LPA: variants seen among roughly 807,000 people sequenced by gnomAD.
The protein encoded by LPA is apolipoprotein(a).
LPA carries 199 observed loss-of-function variants against 197.9 expected under a neutral mutation model. The observed-to-expected ratio is 1.01, with a 90% CI of 0.90 to 1.13. LPA has a LOEUF of 1.13. LPA is among the 50% of genes most tolerant of loss of function. The pLI, the probability that LPA is intolerant of heterozygous loss-of-function variation, is 0.00. For missense variants in LPA, 1,853 were observed against 1,785.8 expected, an observed-to-expected ratio of 1.04 and a Z score of -0.68; for synonymous variants, 715 against 639.5, an observed-to-expected ratio of 1.12 and a Z score of -1.78.
chr6:160,634,648 C>T (rs1582892985), intron 7 of LPA, among the ~76,000 whole-genome samples: 1 of 151,262 alleles, frequency 6.6e-6, no homozygotes. Flanking sequence ...TATACTGCTC[C>T]ATAGACCCAG....
chr6:160,603,803 C>T (rs749604435), intron 18 of LPA, among the ~76,000 whole-genome samples: 55 of 152,184 alleles, frequency 3.6e-4, no homozygotes, highest in Admixed American at 9.8e-4. Context: ...TGGAGACTTG[C>T]TTTTCAGTTT....
chr6:160,583,523 A>T (rs932797938), intron 26 of LPA, among the ~76,000 whole-genome samples: 1 of 152,114 alleles, frequency 6.6e-6, no homozygotes, highest in Non-Finnish European at 1.5e-5. Flanking sequence ...TCAGAGCTCA[A>T]ATACCTCCCA....
At chr6:160,557,303 C>T (rs1454305834) in intron 29 of LPA, 87 bp downstream of exon 29, 1 of 1,469,302 alleles carries the variant, frequency 6.8e-7, no homozygotes, top group Non-Finnish European at 9.5e-7. Flanking sequence ...TTCTGTGTAG[C>T]ATGGAAGGCT....
chr6:160,584,781 C>T (rs780473021), intron 26 of LPA, among the ~76,000 whole-genome samples: 3 of 152,124 alleles, frequency 2.0e-5, no homozygotes, highest in Non-Finnish European at 2.9e-5. Flanking sequence ...AGCATTTGGT[C>T]ATTTGATCTC....
chr6:160,599,390 C>T (rs1349033839), intron 20 of LPA, 110 bp downstream of exon 20: 2 of 1,491,300 alleles, frequency 1.3e-6, no homozygotes, highest in African/African-American at 1.4e-5. Context: ...GGAAATGTTC[C>T]TCTGCATCTG....
At chr6:160,568,811 G>A (rs1280307415) in intron 28 of LPA, among the ~76,000 whole-genome samples, 1 of 152,142 alleles carries the variant, frequency 6.6e-6, no homozygotes, top group African/African-American at 2.4e-5. Flanking sequence ...AAATCAATGT[G>A]CAAAAATCAC....
chr6:160,587,119 T>C (rs1778926491), intron 24 of LPA, among the ~76,000 whole-genome samples: 1 of 152,198 alleles, frequency 6.6e-6, no homozygotes, highest in Non-Finnish European at 1.5e-5. Flanking sequence ...TGAATTTATT[T>C]ACATACAGTT....
intron 7 of LPA, among the ~76,000 whole-genome samples, chr6:160,634,639 A>C (rs7765684): frequency 6.9e-6 from 1 of 145,672 alleles, no homozygotes; most frequent in African/African-American, 2.6e-5. Context: ...GGGAGCTCAT[A>C]TACTGCTCCA....
chr6:160,609,242 A>T (rs892458189), intron 16 of LPA, among the ~76,000 whole-genome samples: 3 of 152,104 alleles, frequency 2.0e-5, no homozygotes, highest in African/African-American at 7.2e-5. Context: ...TGTTTTGGGC[A>T]GTGCACAATA....
At chr6:160,565,819 T>C (rs370743122) in intron 28 of LPA, among the ~76,000 whole-genome samples, 2 of 152,238 alleles carry the variant, frequency 1.3e-5, no homozygotes, top group Admixed American at 6.5e-5. Flanking sequence ...ATAAACAGCA[T>C]AGAGAAGACC....
intron 1 of LPA, among the ~76,000 whole-genome samples, chr6:160,653,425 T>G (rs1222652916): frequency 6.6e-6 from 1 of 152,050 alleles, no homozygotes; most frequent in African/African-American, 2.4e-5. Context: ...CTAAACGACC[T>G]TGAGAGAACA....
intron 1 of LPA, among the ~76,000 whole-genome samples, chr6:160,654,095 TA>T (rs1562355118): frequency 3.0e-3 from 155 of 51,148 alleles, no homozygotes; most frequent in Non-Finnish European, 4.5e-3. Flanking sequence ...ATATATTATA[TA>T]TAATATAATA....
chr6:160,603,259 T>TGTGTGTGTGTGTGTGTGC (rs952043659), intron 18 of LPA, among the ~76,000 whole-genome samples: 22 of 151,428 alleles, frequency 1.5e-4, no homozygotes, highest in Non-Finnish European at 3.1e-4. Context: ...TGTGTGTGTG[T>TGTGTGTGTGTGTGTGTGC]GCGTGCATGT....
intron 1 of LPA, among the ~76,000 whole-genome samples, chr6:160,656,268 ATTT>A (rs541738196): frequency 6.6e-6 from 1 of 151,994 alleles, no homozygotes; most frequent in Non-Finnish European, 1.5e-5. Flanking sequence ...ATTGTTTTTG[ATTT>A]TTTTATTTTT....
intron 2 of LPA, among the ~76,000 whole-genome samples, chr6:160,646,645 A>T (rs1469131000): frequency 1.7e-5 from 2 of 120,236 alleles, no homozygotes; most frequent in Non-Finnish European, 3.4e-5. Flanking sequence ...CTTCTTAGAA[A>T]CACTGAGATA....
At chr6:160,537,197 T>A (rs960413227) in intron 37 of LPA, among the ~76,000 whole-genome samples, 1 of 152,166 alleles carries the variant, frequency 6.6e-6, no homozygotes, top group African/African-American at 2.4e-5. Flanking sequence ...GAAGAAGGAA[T>A]CCATAAAATG....
intron 18 of LPA, among the ~76,000 whole-genome samples, 177 bp from the exon 19 acceptor site, chr6:160,601,275 T>C (rs1779237949): frequency 6.6e-6 from 1 of 152,200 alleles, no homozygotes; most frequent in South Asian, 2.1e-4. Flanking sequence ...ACATTTCTCA[T>C]ACTTAATATA....
In LPA at chr6:160,594,032, T is replaced by A. The variant is rs770212466; in HGVS notation, c.3555A>T (p.Thr1185=). ...SYRGSFSTTV[T]GRTCQSWSSM... ...AGGACCAAGACTGACATGTCCTTCC[T>A]GTGACAGTGGTAGAGAATGAGCCTC... Residue 1185 remains threonine, a synonymous_variant, in exon 22 of 39, where the codon ACA becomes ACT. Transcript: ENST00000316300. The A allele has an allele frequency of 1.1e-5, 18 of 1,613,884 alleles. No homozygotes were observed. In the Admixed American group the frequency reaches 2.8e-4, roughly 25 times the overall value.
chr6:160,583,317 T>C (rs1349492334), intron 26 of LPA, among the ~76,000 whole-genome samples: 1 of 152,188 alleles, frequency 6.6e-6, no homozygotes, highest in Non-Finnish European at 1.5e-5. Context: ...TCTGAAGAGG[T>C]TGTTTTCTTC....
Sources: gnomAD v4.1 joint callset for allele counts (sites outside exome capture counted in the v4.1 genomes callset) on GRCh38, gnomAD v4.1.1 for gene constraint, MANE v1.5 for transcripts, NCBI Gene and HGNC (gene_info 2026-07-23, HGNC 2026-07-21) for gene names.